Variants in SLC6A15 observed in about 807,000 individuals in gnomAD.
SLC6A15 encodes the protein sodium-dependent neutral amino acid transporter B(0)AT2.
SLC6A15 carries 33 observed loss-of-function variants against 68.5 expected under a neutral mutation model. That is an observed-to-expected ratio of 0.48 (90% CI 0.37 to 0.64). The LOEUF is 0.64. Ranked by LOEUF, SLC6A15 falls within the 30% of genes least tolerant of loss-of-function variation. The probability of loss-of-function intolerance (pLI) is 0.00; values close to 1 mark genes in which losing one functional copy is unlikely to be tolerated. For synonymous variants in SLC6A15, 347 were observed against 301.0 expected, an observed-to-expected ratio of 1.15 and a Z score of -1.58; for missense variants, 747 against 874.3, an observed-to-expected ratio of 0.85 and a Z score of 1.84.
chr12:84,868,531 G>T (rs566211519), intron 9 of SLC6A15, among the ~76,000 whole-genome samples: 1 of 152,250 alleles, frequency 6.6e-6, no homozygotes, highest in East Asian at 1.9e-4. Flanking sequence ...ATAAAAAAGT[G>T]CATTATAAGT....
intron 1 of SLC6A15, among the ~76,000 whole-genome samples, chr12:84,901,275 A>G (rs974767451): frequency 2.6e-5 from 4 of 151,668 alleles, no homozygotes; most frequent in African/African-American, 9.7e-5. Context: ...TTAAAAATTC[A>G]ATTCATTTCA....
At chr12:84,908,143 A>C (rs1211056755) in intron 1 of SLC6A15, among the ~76,000 whole-genome samples, 1 of 152,086 alleles carries the variant, frequency 6.6e-6, no homozygotes, top group Non-Finnish European at 1.5e-5. Context: ...TCTGATTAGG[A>C]AGGTTTAATA....
rs920736087 is a variant in SLC6A15, at chr12:84,859,662, G to A, written c.*1970C>T. 7 of 151,832 alleles carry A rather than the reference G, an allele frequency of 4.6e-5. No individual in the cohort carries two copies. 9.4% of individuals were successfully genotyped at this position (151,832 alleles called of 1,614,324 possible). On this transcript the variant is annotated 3_prime_UTR_variant, in exon 12 of 12. Transcript: ENST00000266682. ...ATTATTGTGTTACGGTTAAAGTCTG[G>A]CAGGTTAAGTATTAAAGATTAGGGT...
intron 1 of SLC6A15, among the ~76,000 whole-genome samples, chr12:84,896,846 G>A (rs1204265601): frequency 6.6e-6 from 1 of 152,164 alleles, no homozygotes; most frequent in African/African-American, 2.4e-5. Flanking sequence ...AAAGGTAAGT[G>A]GATGAACACA....
At chr12:84,908,601 C>CATATATATAT (rs3084056) in intron 1 of SLC6A15, among the ~76,000 whole-genome samples, 51 of 140,510 alleles carry the variant, frequency 3.6e-4, no homozygotes, top group African/African-American at 8.7e-4. Flanking sequence ...AGTAAAGAAA[C>CATATATATAT]ATATATATAT....
intron 10 of SLC6A15, among the ~76,000 whole-genome samples, chr12:84,863,912 T>C (rs1870958920): frequency 6.6e-6 from 1 of 151,646 alleles, no homozygotes; most frequent in Non-Finnish European, 1.5e-5. Context: ...ATACAAGTAA[T>C]AATTACAAAA....
chr12:84,873,081 T>A lies in SLC6A15; in HGVS notation c.1109+6A>T. The A allele has an allele frequency of 1.2e-6, 2 of 1,612,114 alleles. No homozygotes were observed. The highest frequency in any genetic ancestry group is 1.7e-6 in the Non-Finnish European group (2 of 1,179,398). On this transcript the variant is annotated splice_donor_region_variant and intron_variant, in intron 7 of 11. Transcript: ENST00000266682. ...AAAAAAGGCAAATGGAAATTAATAT[T>A]CATACTGTGTAATGCATTTCTCATT...
Position 84,907,555 on chromosome 12 carries a change from A to T in SLC6A15, c.-189+4968T>A, listed in dbSNP as rs182841225. ...GAATGGCCAAAATATAGTGACAACC[A>T]AATTCTGGCAAGGATGCAGAGAAAA... On this transcript the variant is annotated intron_variant, in intron 1 of 11. Coordinates refer to ENST00000266682, the MANE Select transcript of SLC6A15 (RefSeq NM_182767.6). Among the ~76,000 whole-genome samples the T allele has an allele frequency of 1.6e-4, 25 of 152,292 alleles. 1 individual carries two copies. Among genetic ancestry groups the T allele is most frequent in the South Asian group, 4.1e-4 (2 of 4,826 alleles).
At position 84,863,559 on chromosome 12, in the gene SLC6A15, G is replaced by A. The variant is rs1870940713; in HGVS notation, c.1698C>T (p.Ser566=). The part of the protein sequence containing the change: ...DLKDMLGFAP[S]RYYYYMWKYI... ...ATTTCCACATATAGTAGTAATATCT[G>A]CTGGGAGCAAAGCCCAGCATATCTT... The change falls in exon 11 of 12, where the codon AGC becomes AGT. Residue 566 remains serine, a synonymous_variant. Transcript: ENST00000266682. 6.3e-7 allele frequency: 1 copy of A among 1,583,200 alleles called. No homozygotes were observed. The highest frequency in any genetic ancestry group is 8.5e-7 in the Non-Finnish European group (1 of 1,169,634).
chr12:84,892,151 A>AC lies in SLC6A15; in HGVS notation c.-32_-31insG. The stretch of plus-strand genomic sequence containing the variant: ...AGTATGCGAAGTATTTAAAAAAAAA[A>AC]AAAAAAACTCCCTTATGGCAAATGT... On this transcript the variant is annotated 5_prime_UTR_variant, in exon 2 of 12. Coordinates refer to ENST00000266682, the MANE Select transcript of SLC6A15 (RefSeq NM_182767.6). The AC allele has an allele frequency of 1.3e-6, 2 of 1,548,216 alleles. No homozygotes were observed. Among genetic ancestry groups the AC allele is most frequent in the Non-Finnish European group, 1.7e-6 (2 of 1,153,576 alleles).
At position 84,883,241 on chromosome 12, in the gene SLC6A15, T is replaced by C. The variant is rs1871911729; in HGVS notation, c.756+618A>G. 8 of 984,942 alleles carry C rather than the reference T, an allele frequency of 8.1e-6. No homozygotes were observed. The South Asian group carries it at 3.8e-4, about 46-fold the overall frequency. The allele number at this position is 984,942 out of a possible 1,614,324, so 61.0% of individuals were successfully genotyped here. A position where few individuals can be genotyped will look rare whatever the true frequency, so the allele number is the denominator to read the frequency against. ...CCTTTAAAAATAATAACAAACAAGC[T>C]ACCTAGAATTCACTTAATGTCTTTT... On this transcript the variant is annotated intron_variant, in intron 5 of 11. Transcript: ENST00000266682.
At chr12:84,905,980 A>G (rs1321508520) in intron 1 of SLC6A15, among the ~76,000 whole-genome samples, 1 of 152,204 alleles carries the variant, frequency 6.6e-6, no homozygotes, top group African/African-American at 2.4e-5. Context: ...GGTCATTTCA[A>G]GAATGTTATA....
intron 5 of SLC6A15, 79 bp from the exon 6 acceptor site, chr12:84,876,686 G>T: frequency 1.6e-6 from 1 of 613,076 alleles, no homozygotes; most frequent in Non-Finnish European, 2.7e-6. Context: ...GTTAGTTTCT[G>T]TACTTTGACA....
intron 6 of SLC6A15, among the ~76,000 whole-genome samples, chr12:84,876,208 T>C (rs1357101817): frequency 6.6e-6 from 1 of 151,616 alleles, no homozygotes. Flanking sequence ...AATTCTGAAG[T>C]CTAATCAGTA....
In SLC6A15 at chr12:84,862,010, T is replaced by A. The variant is rs1244622383; in HGVS notation, c.1819-4A>T. On this transcript the variant is annotated splice_region_variant and splice_polypyrimidine_tract_variant and intron_variant, in intron 11 of 11. Transcript: ENST00000266682. ...AGCTCAGAAATTCTTCAGATGCCTG[T>A]TAAAGAAGAAAATAATAATTATTAG... 1 of 1,567,166 alleles carries A rather than the reference T, an allele frequency of 6.4e-7. No homozygotes were observed. The highest frequency in any genetic ancestry group is 8.6e-7 in the Non-Finnish European group (1 of 1,162,246).
chr12:84,869,741 CTT>C (rs756675603), intron 9 of SLC6A15, among the ~76,000 whole-genome samples: 15 of 152,048 alleles, frequency 9.9e-5, no homozygotes, highest in Non-Finnish European at 1.9e-4. Context: ...GACCTAGACT[CTT>C]TTGAATTCTT....
chr12:84,862,295 A>T (rs1250298742), intron 11 of SLC6A15, among the ~76,000 whole-genome samples: 2 of 152,160 alleles, frequency 1.3e-5, no homozygotes, highest in African/African-American at 4.8e-5. Flanking sequence ...AGCTGAATGC[A>T]ACTGCTTGAG....
chr12:84,891,694 C>T, intron 2 of SLC6A15, 138 bp downstream of exon 2: 1 of 907,786 alleles, frequency 1.1e-6, no homozygotes, highest in Non-Finnish European at 1.6e-6. Context: ...GCTCACTTCC[C>T]ACAAAGAAGT....
chr12:84,897,766 G>T (rs1348721946), intron 1 of SLC6A15, among the ~76,000 whole-genome samples: 1 of 152,120 alleles, frequency 6.6e-6, no homozygotes, highest in Non-Finnish European at 1.5e-5. Context: ...AGCCCTATGG[G>T]ATGAAGGAGT....
Sources: allele counts gnomAD v4.1 joint callset (sites outside exome capture counted in the v4.1 genomes callset), GRCh38; gene constraint gnomAD v4.1.1; transcripts MANE v1.5; gene names NCBI Gene and HGNC (gene_info 2026-07-23, HGNC 2026-07-21).